The following PDZRN4 variants were observed in gnomAD, a reference collection of about 807,000 sequenced individuals.
The protein encoded by PDZRN4 is PDZ domain containing ring finger 4, also known as PDZ domain-containing RING finger protein 4.
Under a neutral mutation model 99.0 loss-of-function variants are expected in PDZRN4, and 70 were observed. The observed-to-expected ratio is 0.71, with a 90% CI of 0.58 to 0.86. The LOEUF (loss-of-function observed/expected upper bound fraction) is 0.86, where lower values mean the gene tolerates loss of function less well. Ranked by LOEUF, PDZRN4 falls within the 40% of genes least tolerant of loss-of-function variation. The pLI is 0.00. For synonymous variants in PDZRN4, 551 were observed against 501.6 expected, an observed-to-expected ratio of 1.10 and a Z score of -1.32; for missense variants, 1,474 against 1,331.2, an observed-to-expected ratio of 1.11 and a Z score of -1.67.
At chr12:41,228,566 A>G (rs1951010696) in intron 3 of PDZRN4, among the ~76,000 whole-genome samples, 1 of 152,152 alleles carries the variant, frequency 6.6e-6, no homozygotes, top group Non-Finnish European at 1.5e-5. Context: ...AACTGGGTTA[A>G]GGATCCCAGG....
intron 3 of PDZRN4, among the ~76,000 whole-genome samples, chr12:41,454,400 G>T (rs1952801463): frequency 6.6e-6 from 1 of 152,164 alleles, no homozygotes; most frequent in Admixed American, 6.5e-5. Flanking sequence ...TAGGAGACAT[G>T]GTAGAGTCAC....
intron 3 of PDZRN4, among the ~76,000 whole-genome samples, chr12:41,502,827 A>G (rs570885007): frequency 6.5e-4 from 99 of 152,210 alleles, no homozygotes; most frequent in African/African-American, 2.2e-3. Context: ...AAAGAAATAG[A>G]ATAATAAGTA....
At chr12:41,494,202 A>T (rs892541973) in intron 3 of PDZRN4, among the ~76,000 whole-genome samples, 1 of 152,160 alleles carries the variant, frequency 6.6e-6, no homozygotes, top group African/African-American at 2.4e-5. Context: ...AAATAGGAGA[A>T]TAAACTTCCC....
At chr12:41,340,425 G>C (rs576314125) in intron 3 of PDZRN4, among the ~76,000 whole-genome samples, 99 of 152,034 alleles carry the variant, frequency 6.5e-4, no homozygotes, top group African/African-American at 2.3e-3. Context: ...GTTACCAGAG[G>C]CTGGGAAGGG....
chr12:41,218,875 T>G (rs1340966938), intron 3 of PDZRN4, among the ~76,000 whole-genome samples: 1 of 152,136 alleles, frequency 6.6e-6, no homozygotes, highest in Admixed American at 6.6e-5. Context: ...AGTTATTTAT[T>G]TTTACACATA....
chr12:41,535,099 A>G (rs959458687), intron 5 of PDZRN4, among the ~76,000 whole-genome samples: 6 of 152,138 alleles, frequency 3.9e-5, no homozygotes, highest in African/African-American at 1.4e-4. Flanking sequence ...TCTTCATGTT[A>G]GTTATTTTTA....
chr12:41,435,547 G>T (rs1952621653), intron 3 of PDZRN4, among the ~76,000 whole-genome samples: 3 of 152,178 alleles, frequency 2.0e-5, no homozygotes, highest in Admixed American at 1.3e-4. Flanking sequence ...CCAGCACCTT[G>T]GGAGGCCGAA....
At chr12:41,432,058 A>T (rs1363827026) in intron 3 of PDZRN4, among the ~76,000 whole-genome samples, 12 of 152,248 alleles carry the variant, frequency 7.9e-5, no homozygotes, top group Non-Finnish European at 2.9e-5. Context: ...GATGATATAC[A>T]ACTACAAAAA....
intron 3 of PDZRN4, among the ~76,000 whole-genome samples, chr12:41,368,028 G>C (rs1952014480): frequency 6.6e-6 from 1 of 152,036 alleles, no homozygotes; most frequent in Admixed American, 6.6e-5. Context: ...AAAACCACTT[G>C]AGTTACCTCC....
intron 5 of PDZRN4, among the ~76,000 whole-genome samples, chr12:41,540,499 T>A (rs1348239236): frequency 1.3e-5 from 2 of 152,208 alleles, no homozygotes; most frequent in Admixed American, 1.3e-4. Context: ...AAAACCTTTG[T>A]CATTTCTATG....
At chr12:41,239,402 C>T (rs1420603700) in intron 3 of PDZRN4, among the ~76,000 whole-genome samples, 1 of 152,098 alleles carries the variant, frequency 6.6e-6, no homozygotes, top group East Asian at 1.9e-4. Context: ...TTGAACTGTG[C>T]AGCAAACCAC....
At chr12:41,319,628 T>C (rs1951661314) in intron 3 of PDZRN4, among the ~76,000 whole-genome samples, 1 of 152,162 alleles carries the variant, frequency 6.6e-6, no homozygotes, top group Non-Finnish European at 1.5e-5. Flanking sequence ...ACAGGCCCTC[T>C]CATGAATAAC....
At chr12:41,333,733 G>A (rs1951754380) in intron 3 of PDZRN4, among the ~76,000 whole-genome samples, 1 of 152,038 alleles carries the variant, frequency 6.6e-6, no homozygotes, top group South Asian at 2.1e-4. Context: ...ATAGACTATT[G>A]AGCATTAACT....
chr12:41,252,456 A>T (rs947230369), intron 3 of PDZRN4, among the ~76,000 whole-genome samples: 5 of 152,210 alleles, frequency 3.3e-5, no homozygotes, highest in African/African-American at 1.2e-4. Context: ...CTTAAATTTT[A>T]GGCAAAACAG....
chr12:41,387,199 A>T (rs114046832), intron 3 of PDZRN4, among the ~76,000 whole-genome samples: 1,795 of 152,262 alleles, frequency 0.012, 34 homozygotes, highest in African/African-American at 0.041. Context: ...ATGGGAGAAT[A>T]TTTTTTCAAA....
intron 3 of PDZRN4, among the ~76,000 whole-genome samples, chr12:41,252,930 A>G (rs192609884): frequency 6.6e-6 from 1 of 152,326 alleles, no homozygotes; most frequent in Admixed American, 6.5e-5. Flanking sequence ...TAAAATGGGT[A>G]TATTTTATTG....
At chr12:41,275,792 G>A (rs1241108523) in intron 3 of PDZRN4, among the ~76,000 whole-genome samples, 1 of 152,060 alleles carries the variant, frequency 6.6e-6, no homozygotes, top group Non-Finnish European at 1.5e-5. Context: ...TGCCTACAAA[G>A]GTTTCAGTGA....
At chr12:41,403,298 C>T (rs966078937) in intron 3 of PDZRN4, among the ~76,000 whole-genome samples, 6 of 152,096 alleles carry the variant, frequency 3.9e-5, no homozygotes, top group Admixed American at 6.6e-5. Flanking sequence ...CATGTCTACC[C>T]TCTCGTATCA....
At chr12:41,302,914 A>C (rs955570137) in intron 3 of PDZRN4, among the ~76,000 whole-genome samples, 3 of 141,370 alleles carry the variant, frequency 2.1e-5, no homozygotes, top group Non-Finnish European at 4.6e-5. Flanking sequence ...TCCTGTCCTG[A>C]TTTCATATAT....
Sources: allele counts gnomAD v4.1 joint callset (sites outside exome capture counted in the v4.1 genomes callset), GRCh38; gene constraint gnomAD v4.1.1; transcripts MANE v1.5; gene names NCBI Gene and HGNC (gene_info 2026-07-23, HGNC 2026-07-21).